CATSPERE: variants seen among roughly 807,000 people sequenced by gnomAD.
CATSPERE encodes cation channel sperm-associated auxiliary subunit epsilon.
A neutral mutation model predicts 114.1 loss-of-function variants in CATSPERE; 93 were observed. The ratio of observed to expected loss-of-function variants is 0.81; its 90% CI spans 0.69 to 0.97. The LOEUF is 0.97. CATSPERE is among the 50% of genes least tolerant of loss of function. The pLI is 0.00. For synonymous variants in CATSPERE, 341 were observed against 384.1 expected (o/e 0.89, Z 1.31); for missense variants, 1,058 against 1,131.6 (o/e 0.93, Z 0.93).
At chr1:244,456,242 T>A (rs1666152887) in intron 1 of CATSPERE, among the ~76,000 whole-genome samples, 1 of 152,098 alleles carries the variant, frequency 6.6e-6, no homozygotes, top group Admixed American at 6.5e-5. Flanking sequence ...CAGGATCCAG[T>A]GTAAAGCGGC....
chr1:244,561,850 C>G (rs772057646), intron 10 of CATSPERE, among the ~76,000 whole-genome samples: 5 of 152,090 alleles, frequency 3.3e-5, no homozygotes, highest in African/African-American at 7.2e-5. Flanking sequence ...AAATAACCAA[C>G]TATTAAGAAA....
Position 244,633,131 on chromosome 1 carries a change from T to C in CATSPERE, c.2649-2358T>C, listed in dbSNP as rs1674182742. The stretch of plus-strand genomic sequence containing the variant: ...TCAAAATACATGAAACAAAAACGGA[T>C]AGAACTAAACAGAGAAACAGACAAA... On this transcript the variant is annotated intron_variant, in intron 20 of 21. Coordinates refer to ENST00000366534, the MANE Select transcript of CATSPERE (RefSeq NM_001130957.2). The surrounding 1 kb of genome is among the most constrained non-coding windows in gnomAD (Gnocchi z 4.1). Among the ~76,000 whole-genome samples the C allele has an allele frequency of 6.6e-6, 1 of 152,124 alleles. No individual in the cohort carries two copies. Among genetic ancestry groups the C allele is most frequent in the Admixed American group, 6.6e-5 (1 of 15,256 alleles).
intron 20 of CATSPERE, among the ~76,000 whole-genome samples, chr1:244,630,152 C>A (rs1015111567): frequency 6.6e-6 from 1 of 152,142 alleles, no homozygotes; most frequent in African/African-American, 2.4e-5. Context: ...GGCCTCTGAT[C>A]CTTTCTGCCT....
At chr1:244,493,534 G>A (rs1430059439) in intron 6 of CATSPERE, among the ~76,000 whole-genome samples, 1 of 152,106 alleles carries the variant, frequency 6.6e-6, no homozygotes, top group Non-Finnish European at 1.5e-5. Context: ...CAGGACATAG[G>A]CATGGGCAAG....
intron 8 of CATSPERE, among the ~76,000 whole-genome samples, chr1:244,543,500 G>C (rs1432902235): frequency 6.6e-6 from 1 of 151,836 alleles, no homozygotes; most frequent in African/African-American, 2.4e-5. Flanking sequence ...GGTGTGAAAA[G>C]GAGGAAGTAT....
At chr1:244,539,855 CTT>C (rs891375610) in intron 8 of CATSPERE, among the ~76,000 whole-genome samples, 5 of 146,232 alleles carry the variant, frequency 3.4e-5, no homozygotes, top group Admixed American at 6.9e-5. Flanking sequence ...CTATTTGATT[CTT>C]CTCTCTTTTT....
In CATSPERE at chr1:244,575,406, G is replaced by A. The variant is rs1665092900; in HGVS notation, c.1950+2634G>A. Among the ~76,000 whole-genome samples the A allele has an allele frequency of 1.3e-5, 2 of 152,218 alleles. No individual in the cohort carries two copies. Among genetic ancestry groups the A allele is most frequent in the African/African-American group, 4.8e-5 (2 of 41,468 alleles). On this transcript the variant is annotated intron_variant, in intron 11 of 21. Transcript: ENST00000366534. This position sits in a 1 kb window ranked among gnomAD's most constrained non-coding sequence, Gnocchi z 4.5. ...TCTTGGCTGCCGGGCTGCGCGGCAT[G>A]GTATCCTGGCCCCGGCACACTCACA...
intron 8 of CATSPERE, among the ~76,000 whole-genome samples, chr1:244,542,440 T>C (rs1345043942): frequency 1.3e-5 from 2 of 152,254 alleles, no homozygotes; most frequent in East Asian, 1.9e-4. Flanking sequence ...ATAGTGAACA[T>C]TGTACTCAAT....
At chr1:244,451,343 G>A (rs895346368), upstream of CATSPERE, among the ~76,000 whole-genome samples, 13 of 152,114 alleles carry the variant, frequency 8.5e-5, no homozygotes, top group African/African-American at 2.7e-4. This position sits in a 1 kb window ranked among gnomAD's most constrained non-coding sequence, Gnocchi z 6.6. Flanking sequence ...AGCACCACTC[G>A]CCAGACGCAA....
intron 13 of CATSPERE, among the ~76,000 whole-genome samples, chr1:244,585,827 A>C (rs749750197): frequency 6.6e-6 from 1 of 152,248 alleles, no homozygotes; most frequent in Non-Finnish European, 1.5e-5. Flanking sequence ...ACAAGGCTGC[A>C]TCTCACTTTT....
At chr1:244,574,305 A>T (rs1664914171) in intron 11 of CATSPERE, among the ~76,000 whole-genome samples, 1 of 152,144 alleles carries the variant, frequency 6.6e-6, no homozygotes, top group Non-Finnish European at 1.5e-5. Flanking sequence ...GTACAAGGAC[A>T]CAGGATGTAC....
intron 9 of CATSPERE, among the ~76,000 whole-genome samples, chr1:244,557,871 G>A (rs1047636335): frequency 6.6e-6 from 1 of 151,444 alleles, no homozygotes; most frequent in East Asian, 2.0e-4. Flanking sequence ...TTTTTTCACT[G>A]TTTTTTCCTT....
chr1:244,589,392 C>T (rs373194198), intron 14 of CATSPERE, among the ~76,000 whole-genome samples: 9 of 152,276 alleles, frequency 5.9e-5, no homozygotes, highest in Admixed American at 1.3e-4. Flanking sequence ...GCATCTCATT[C>T]AGCATTTCCT....
chr1:244,600,329 T>G (rs1336212099), intron 17 of CATSPERE, among the ~76,000 whole-genome samples: 1 of 147,336 alleles, frequency 6.8e-6, no homozygotes, highest in Non-Finnish European at 1.5e-5. Context: ...CTTTCACAAA[T>G]TCAGGATATA....
In CATSPERE at chr1:244,608,132, A is replaced by T. The variant is rs1023629140; in HGVS notation, c.2404-2108A>T. Among the ~76,000 whole-genome samples the T allele has an allele frequency of 1.1e-4, 17 of 152,130 alleles. 1 individual carries two copies. The highest frequency in any genetic ancestry group is 2.2e-4 in the African/African-American group (9 of 41,412). On this transcript the variant is annotated intron_variant, in intron 18 of 21. Coordinates refer to ENST00000366534, the MANE Select transcript of CATSPERE (RefSeq NM_001130957.2). Reference sequence around the variant, plus strand: ...AAAAAATAATAATAATAATTTTTTTAAAAAGAATTAAATTTGTATTTTGTA... The same window carrying T: ...AAAAAATAATAATAATAATTTTTTTTAAAAGAATTAAATTTGTATTTTGTA...
chr1:244,504,576 A>G lies in CATSPERE; in HGVS notation c.429+5497A>G, dbSNP rs1194251795. On this transcript the variant is annotated intron_variant, in intron 7 of 21. Transcript: ENST00000366534. This position sits in a 1 kb window ranked among gnomAD's most constrained non-coding sequence, Gnocchi z 4.1. The stretch of plus-strand genomic sequence containing the variant: ...GTCTCTTTACGTTCTTAATTGTGAC[A>G]GTTTCTAGACTTTCATGGCTTTTGA... Among the ~76,000 whole-genome samples the G allele has an allele frequency of 2.0e-5, 3 of 152,216 alleles. No individual in the cohort carries two copies. The highest frequency in any genetic ancestry group is 4.4e-5 in the Non-Finnish European group (3 of 68,040).
Position 244,552,594 on chromosome 1 carries a change from C to G in CATSPERE, c.809C>G (p.Thr270Ser). The change falls in exon 9 of 22, where the codon ACC (threonine) becomes AGC (serine). Residue 270 changes from threonine (T) to serine (S), a missense_variant. This residue lies in a region of CATSPERE where 787 missense variants were observed against 905.6 expected (regional missense o/e 0.87). Transcript: ENST00000366534. ...ACAACTGATTCATTCAAATCTTGGA[C>G]CAGAATCAGAGTGCCTCCAGACATT... ...FHTTDSFKSW[T>S]RIRVPPDILS... The G allele has an allele frequency of 6.2e-7, 1 of 1,614,108 alleles. No homozygotes were observed. Among genetic ancestry groups the G allele is most frequent in the South Asian group, 1.1e-5 (1 of 91,078 alleles).
Position 244,640,203 on chromosome 1 carries a change from C to A in CATSPERE, c.*122C>A. On this transcript the variant is annotated 3_prime_UTR_variant, in exon 22 of 22. Transcript: ENST00000366534. ...AATATAAGCTCGTAGTAGGCATCAC[C>A]AAATTCAAGATCTGAAAAATATTCT... 4 of 645,030 alleles carry A rather than the reference C, an allele frequency of 6.2e-6. No individual in the cohort carries two copies. Among genetic ancestry groups the A allele is most frequent in the Non-Finnish European group, 1.0e-5 (4 of 398,638 alleles). 40.0% of individuals were successfully genotyped at this position (645,030 alleles called of 1,614,324 possible).
At chr1:244,553,622 C>CACACACACACACATATATACAT (rs1400296285) in intron 9 of CATSPERE, among the ~76,000 whole-genome samples, 313 of 141,330 alleles carry the variant, frequency 2.2e-3, no homozygotes, top group African/African-American at 7.3e-3. Flanking sequence ...CACACACACA[C>CACACACACACACATATATACAT]ACACACACAC....
Sources: allele counts gnomAD v4.1 joint callset (sites outside exome capture counted in the v4.1 genomes callset), GRCh38; gene constraint gnomAD v4.1.1; regional missense constraint gnomAD v4.1.1; non-coding constraint Gnocchi (gnomAD v3.1); transcripts MANE v1.5; gene names NCBI Gene and HGNC (gene_info 2026-07-23, HGNC 2026-07-21).